Variants in SLC24A4 observed in about 807,000 individuals in gnomAD.
The protein encoded by SLC24A4 is sodium/potassium/calcium exchanger 4.
In SLC24A4, 53 loss-of-function variants were observed where a neutral mutation model predicts 79.0. The observed-to-expected ratio is 0.67, with a 90% CI of 0.54 to 0.84. The LOEUF (loss-of-function observed/expected upper bound fraction) is 0.84. Ranked by LOEUF, SLC24A4 falls within the 40% of genes least tolerant of loss-of-function variation. The probability of loss-of-function intolerance (pLI) is 0.00; values close to 1 mark genes in which losing one functional copy is unlikely to be tolerated. For synonymous variants in SLC24A4, 323 were observed against 323.8 expected, an observed-to-expected ratio of 1.00 and a Z score of 0.03; for missense variants, 731 against 822.0, an observed-to-expected ratio of 0.89 and a Z score of 1.35.
intron 13 of SLC24A4, chr14:92,485,020 C>G: frequency 2.0e-6 from 1 of 490,870 alleles, no homozygotes; most frequent in Non-Finnish European, 2.6e-6. Context: ...GAGTTTGCAG[C>G]ATGGTTGGTT....
At chr14:92,367,250 G>A (rs1887900160) in intron 2 of SLC24A4, among the ~76,000 whole-genome samples, 1 of 152,168 alleles carries the variant, frequency 6.6e-6, no homozygotes, top group Non-Finnish European at 1.5e-5. Flanking sequence ...CTAGAGACCG[G>A]GGCTTATGCA....
intron 2 of SLC24A4, among the ~76,000 whole-genome samples, chr14:92,372,940 TC>T (rs1888269871): frequency 7.1e-6 from 1 of 141,412 alleles, no homozygotes; most frequent in African/African-American, 2.6e-5. Context: ...TCTTTCTTTT[TC>T]TCTCTCTCTC....
chr14:92,366,022 G>A (rs774429035), intron 2 of SLC24A4, among the ~76,000 whole-genome samples: 8 of 152,220 alleles, frequency 5.3e-5, no homozygotes, highest in African/African-American at 9.6e-5. Flanking sequence ...TCCTTCATGC[G>A]TGTAAACTGG....
chr14:92,404,158 A>G (rs559509407), intron 2 of SLC24A4, among the ~76,000 whole-genome samples: 27 of 152,306 alleles, frequency 1.8e-4, no homozygotes, highest in Admixed American at 1.6e-3. Context: ...CTGACTCCGC[A>G]TCTACCCTAA....
At chr14:92,461,944 C>T (rs978681258) in intron 12 of SLC24A4, among the ~76,000 whole-genome samples, 1 of 152,232 alleles carries the variant, frequency 6.6e-6, no homozygotes, top group Non-Finnish European at 1.5e-5. Context: ...GTTTCCACCC[C>T]GAGCACCAGA....
chr14:92,458,590 G>T (rs771698901), intron 12 of SLC24A4, among the ~76,000 whole-genome samples: 1 of 152,192 alleles, frequency 6.6e-6, no homozygotes, highest in African/African-American at 2.4e-5. Flanking sequence ...TTCACCAAGT[G>T]AGGGAAGATT....
At position 92,378,540 on chromosome 14, in the gene SLC24A4, G is replaced by A. The variant is rs545593038; in HGVS notation, c.241+52562G>A. Among the ~76,000 whole-genome samples, 6 of 152,230 alleles carry A rather than the reference G, an allele frequency of 3.9e-5. No individual in the cohort carries two copies. The South Asian group carries it at 6.2e-4, about 16-fold the overall frequency. ...GCTGCTTAACATCTTCTCCACCTCCGTAATGTGTCCAAGTCTTTGTCCAGC... is the reference window on the plus strand; with the variant it reads ...GCTGCTTAACATCTTCTCCACCTCCATAATGTGTCCAAGTCTTTGTCCAGC... On this transcript the variant is annotated intron_variant, in intron 2 of 16. Transcript: ENST00000532405.
chr14:92,449,280 G>GTA (rs942356512), intron 10 of SLC24A4, 64 bp downstream of exon 10: 1 of 1,249,916 alleles, frequency 8.0e-7, no homozygotes, highest in African/African-American at 1.8e-5. Flanking sequence ...CCTCTTTTGT[G>GTA]TACACACACA....
At chr14:92,450,726 G>T (rs1273108798) in intron 10 of SLC24A4, 1 of 152,350 alleles carries the variant, frequency 6.6e-6, no homozygotes, top group Non-Finnish European at 1.5e-5. Context: ...GGTGCTTCTG[G>T]GTCCTCTGGG....
intron 2 of SLC24A4, among the ~76,000 whole-genome samples, chr14:92,405,667 G>A (rs1468911610): frequency 1.3e-5 from 2 of 151,986 alleles, no homozygotes; most frequent in African/African-American, 4.8e-5. Flanking sequence ...TAGAGCAGGA[G>A]AGAGAGAGAG....
At position 92,343,622 on chromosome 14, in the gene SLC24A4, T is replaced by C. The variant is rs569441854; in HGVS notation, c.241+17644T>C. On this transcript the variant is annotated intron_variant, in intron 2 of 16. Transcript: ENST00000532405. ...TTTCTTTCTTTCTTTCTTTCTTTCT[T>C]TCTTTCTTTCTTTCTTTCTCTCTTT... 2.8e-3 allele frequency among the ~76,000 whole-genome samples: 383 copies of C among 135,024 alleles called. 2 individuals are homozygous for C. The highest frequency in any genetic ancestry group is 7.6e-3 in the Middle Eastern group (2 of 264). 88.6% of individuals were successfully genotyped at this position (135,024 alleles called of 152,430 possible).
At chr14:92,428,884 G>A (rs113691888) in intron 2 of SLC24A4, among the ~76,000 whole-genome samples, 16 of 152,304 alleles carry the variant, frequency 1.1e-4, no homozygotes, top group African/African-American at 3.6e-4. Context: ...CAATATGGAC[G>A]AATCTTAAAC....
At chr14:92,422,659 G>A (rs1891347700) in intron 2 of SLC24A4, among the ~76,000 whole-genome samples, 1 of 123,634 alleles carries the variant, frequency 8.1e-6, no homozygotes, top group Admixed American at 8.0e-5. Context: ...ATTATATCAT[G>A]CTAAAAAATG....
chr14:92,322,890 G>C (rs1349338050), upstream of SLC24A4, among the ~76,000 whole-genome samples: 3 of 152,144 alleles, frequency 2.0e-5, no homozygotes, highest in Non-Finnish European at 2.9e-5. Flanking sequence ...TTTTCTAAGA[G>C]TCCCCAGCGG....
intron 3 of SLC24A4, among the ~76,000 whole-genome samples, chr14:92,437,358 G>T (rs1452055732): frequency 2.0e-5 from 3 of 152,160 alleles, no homozygotes; most frequent in Non-Finnish European, 4.4e-5. Context: ...ATAGGCGAGG[G>T]TTTTCCTGGC....
rs775437659 is a variant in SLC24A4 at position 92,447,353 on chromosome 14, C to T, written c.684-18C>T. 1 of 1,613,902 alleles carries T rather than the reference C, an allele frequency of 6.2e-7. No homozygotes were observed. Among genetic ancestry groups the T allele is most frequent in the Admixed American group, 1.7e-5 (1 of 60,018 alleles). On this transcript the variant is annotated intron_variant, in intron 8 of 16. Transcript: ENST00000532405. ...CCGGGCCCCGAGCTCTAACCGCAAT[C>T]TCCTTTCTCTCTTTGAGGTGGGAAG...
At chr14:92,324,041 T>C (rs2141581235) in intron 1 of SLC24A4, 81 bp downstream of exon 1, 1 of 1,522,416 alleles carries the variant, frequency 6.6e-7, no homozygotes, top group Non-Finnish European at 8.8e-7. Flanking sequence ...CGAGATGTTT[T>C]CCCCTCCTTC....
intron 2 of SLC24A4, among the ~76,000 whole-genome samples, chr14:92,415,708 T>G (rs933936434): frequency 1.3e-5 from 2 of 152,208 alleles, no homozygotes; most frequent in African/African-American, 4.8e-5. Flanking sequence ...TCCACCCACC[T>G]TGGCCTCCCA....
At position 92,409,527 on chromosome 14, in the gene SLC24A4, G is replaced by A. The variant is rs543452654; in HGVS notation, c.242-24385G>A. ...TTTATTGAAGGATAACATACCTATG[G>A]GAAAGAACACAGTACATTTTCACAA... is the stretch of plus-strand genomic sequence containing the variant. On this transcript the variant is annotated intron_variant, in intron 2 of 16. Transcript: ENST00000532405. Among the ~76,000 whole-genome samples, 4 of 152,272 alleles carry A rather than the reference G, an allele frequency of 2.6e-5. No individual in the cohort carries two copies. The South Asian group carries it at 8.3e-4, about 32-fold the overall frequency.
Sources: gnomAD v4.1 joint callset for allele counts (sites outside exome capture counted in the v4.1 genomes callset) on GRCh38, gnomAD v4.1.1 for gene constraint, MANE v1.5 for transcripts, NCBI Gene and HGNC (gene_info 2026-07-23, HGNC 2026-07-21) for gene names.